Variants in EVI5 observed in about 807,000 individuals in gnomAD.
The protein encoded by EVI5 is ecotropic viral integration site 5.
In EVI5, 73 loss-of-function variants were observed where a neutral mutation model predicts 112.0. The ratio of observed to expected loss-of-function variants is 0.65; its 90% CI spans 0.54 to 0.79. EVI5 has a LOEUF of 0.79. Among genes scored for constraint, EVI5 ranks in the 30% least tolerant of loss-of-function variants. EVI5 has a pLI of 0.00. For synonymous variants in EVI5, 305 were observed against 319.9 expected (o/e 0.95, Z 0.50); for missense variants, 900 against 968.8 (o/e 0.93, Z 0.94).
chr1:92,535,226 T>C (rs1663657004), intron 19 of EVI5, among the ~76,000 whole-genome samples: 1 of 151,922 alleles, frequency 6.6e-6, no homozygotes, highest in African/African-American at 2.4e-5. Flanking sequence ...TACCATCTCA[T>C]AGAATGGTGA....
intron 1 of EVI5, among the ~76,000 whole-genome samples, chr1:92,774,783 A>G (rs1683886777): frequency 6.6e-6 from 1 of 152,214 alleles, no homozygotes; most frequent in Non-Finnish European, 1.5e-5. Context: ...CTAAACCCAC[A>G]TTGGTTTTGG....
intron 18 of EVI5, among the ~76,000 whole-genome samples, chr1:92,591,389 T>G (rs551906957): frequency 6.6e-6 from 1 of 152,164 alleles, no homozygotes; most frequent in African/African-American, 2.4e-5. Context: ...GAGACACACA[T>G]AGGCTCAAAA....
chr1:92,740,873 C>T (rs966963463), intron 1 of EVI5, among the ~76,000 whole-genome samples: 3 of 152,118 alleles, frequency 2.0e-5, no homozygotes, highest in African/African-American at 4.8e-5. Flanking sequence ...AGACTTAGTA[C>T]TGAAAGCCAG....
chr1:92,539,341 G>T (rs1664397579), intron 19 of EVI5, among the ~76,000 whole-genome samples: 1 of 152,030 alleles, frequency 6.6e-6, no homozygotes, highest in Non-Finnish European at 1.5e-5. Flanking sequence ...AGGAGATGGA[G>T]ACCATCCTGG....
At position 92,558,109 on chromosome 1, in the gene EVI5, G is replaced by A. The variant is rs117461438; in HGVS notation, c.2166+5533C>T. Among the ~76,000 whole-genome samples the A allele has an allele frequency of 4.6e-5, 7 of 152,194 alleles. No homozygotes were observed. The East Asian group carries it at 7.7e-4, about 17-fold the overall frequency. On this transcript the variant is annotated intron_variant, in intron 19 of 19. Coordinates refer to ENST00000684568, the MANE Select transcript of EVI5 (RefSeq NM_001350197.2). ...TTTAAAATCTGATTTAAATAACTACGCTGAAATGATCCCTTCCTCCTTCTG... is the reference window on the plus strand; with the variant it reads ...TTTAAAATCTGATTTAAATAACTACACTGAAATGATCCCTTCCTCCTTCTG...
At chr1:92,533,834 G>A (rs565936036) in intron 19 of EVI5, among the ~76,000 whole-genome samples, 37 of 152,256 alleles carry the variant, frequency 2.4e-4, no homozygotes, top group African/African-American at 8.2e-4. Context: ...TACTGAGTGG[G>A]CAAAAACTGG....
chr1:92,766,314 A>T (rs897853544), intron 1 of EVI5, among the ~76,000 whole-genome samples: 16 of 151,564 alleles, frequency 1.1e-4, no homozygotes, highest in Admixed American at 7.3e-4. Flanking sequence ...TTGTTTTTTT[A>T]AAAAAAGGAT....
upstream of EVI5, chr1:92,785,158 A>G (rs1027641823): frequency 2.1e-6 from 2 of 970,198 alleles, no homozygotes; most frequent in African/African-American, 3.5e-5. Context: ...CCTCTACCGC[A>G]GAATGGGTTG....
At chr1:92,756,331 G>A (rs1680949553) in intron 1 of EVI5, 1 of 485,266 alleles carries the variant, frequency 2.1e-6, no homozygotes, top group Admixed American at 2.1e-5. Context: ...GCCTGGAAAA[G>A]ATTAAACACT....
At chr1:92,554,803 T>TACAAAAACAAAA (rs566998379) in intron 19 of EVI5, among the ~76,000 whole-genome samples, 2 of 151,968 alleles carry the variant, frequency 1.3e-5, no homozygotes, top group African/African-American at 2.4e-5. Context: ...ACCCTGTCTC[T>TACAAAAACAAAA]ACAAAAACAA....
intron 9 of EVI5, among the ~76,000 whole-genome samples, chr1:92,692,608 T>G (rs59552478): frequency 0.054 from 8,182 of 152,238 alleles, 626 homozygotes; most frequent in African/African-American, 0.17. Context: ...CTAGGCTGAT[T>G]GTGAACTCCT....
chr1:92,730,533 T>A (rs1341830738), intron 2 of EVI5, among the ~76,000 whole-genome samples: 3 of 149,650 alleles, frequency 2.0e-5, no homozygotes, highest in Non-Finnish European at 4.5e-5. Context: ...AAAAAAAAAA[T>A]TAACCAAGTG....
chr1:92,765,833 T>C (rs1682546193), intron 1 of EVI5, among the ~76,000 whole-genome samples: 1 of 151,982 alleles, frequency 6.6e-6, no homozygotes, highest in African/African-American at 2.4e-5. Context: ...CCTAACACTT[T>C]GGGAAGCCAA....
intron 19 of EVI5, among the ~76,000 whole-genome samples, chr1:92,521,773 CT>C (rs1244702623): frequency 6.6e-6 from 1 of 151,740 alleles, no homozygotes; most frequent in Non-Finnish European, 1.5e-5. Context: ...TCATGGACTT[CT>C]TTTTTTGAGG....
At chr1:92,678,416 C>T (rs1045713436) in intron 9 of EVI5, among the ~76,000 whole-genome samples, 1 of 151,968 alleles carries the variant, frequency 6.6e-6, no homozygotes, top group African/African-American at 2.4e-5. Context: ...CCTGTAGTTG[C>T]AGGTACTCAG....
At chr1:92,595,085 A>C (rs1208812544) in intron 18 of EVI5, among the ~76,000 whole-genome samples, 1 of 151,844 alleles carries the variant, frequency 6.6e-6, no homozygotes. Context: ...AAAGGATTAT[A>C]AATCATGCTG....
intron 9 of EVI5, among the ~76,000 whole-genome samples, chr1:92,688,997 A>T (rs1415670694): frequency 6.6e-6 from 1 of 152,200 alleles, no homozygotes; most frequent in Non-Finnish European, 1.5e-5. Flanking sequence ...ACTAGTAACC[A>T]CTAACAAGTC....
At chr1:92,735,735 A>ATACAATATTATATTATAT (rs1460642657) in intron 2 of EVI5, among the ~76,000 whole-genome samples, 1 of 143,374 alleles carries the variant, frequency 7.0e-6, no homozygotes, top group African/African-American at 2.5e-5. Flanking sequence ...AATATAATAT[A>ATACAATATTATATTATAT]ATATAATCAT....
intron 19 of EVI5, among the ~76,000 whole-genome samples, chr1:92,522,834 C>T (rs562852471): frequency 5.9e-5 from 9 of 152,140 alleles, no homozygotes; most frequent in East Asian, 1.9e-4. Flanking sequence ...CACAGCTCAC[C>T]GCATCTTTGA....
Sources: gnomAD v4.1 joint callset for allele counts (sites outside exome capture counted in the v4.1 genomes callset) on GRCh38, gnomAD v4.1.1 for gene constraint, MANE v1.5 for transcripts, NCBI Gene and HGNC (gene_info 2026-07-23, HGNC 2026-07-21) for gene names.